The following NLRP3 variants were observed in gnomAD, a reference collection of about 807,000 sequenced individuals.
NLRP3 encodes the protein NACHT, LRR and PYD domains-containing protein 3.
A neutral mutation model predicts 91.3 loss-of-function variants in NLRP3; 48 were observed. The observed-to-expected ratio is 0.53, with a 90% CI of 0.42 to 0.67. The LOEUF (loss-of-function observed/expected upper bound fraction) is 0.67. Among genes scored for constraint, NLRP3 ranks in the 30% least tolerant of loss-of-function variants. NLRP3 has a pLI of 0.00. For synonymous variants in NLRP3, 561 were observed against 507.9 expected (o/e 1.10, Z -1.41); for missense variants, 982 against 1,276.9 (o/e 0.77, Z 3.52).
chr1:247,430,549 G>A (rs749198310), intron 5 of NLRP3, among the ~76,000 whole-genome samples: 1 of 152,054 alleles, frequency 6.6e-6, no homozygotes, highest in Admixed American at 6.6e-5. Context: ...TTTTTGGGGG[G>A]GCACAGTTCA....
intron 7 of NLRP3, 78 bp from the exon 8 acceptor site, chr1:247,443,894 G>A (rs946128760): frequency 2.6e-5 from 37 of 1,417,376 alleles, no homozygotes; most frequent in African/African-American, 4.2e-5. Flanking sequence ...GAGAGAGGAC[G>A]AGGCACTGAG....
chr1:247,442,332 C>A (rs934437521), intron 7 of NLRP3, among the ~76,000 whole-genome samples: 3 of 152,084 alleles, frequency 2.0e-5, no homozygotes, highest in African/African-American at 7.2e-5. Flanking sequence ...CATGCCATTG[C>A]CAAGGACTCT....
At chr1:247,426,655 G>A (rs1406699330) in intron 4 of NLRP3, among the ~76,000 whole-genome samples, 1 of 152,212 alleles carries the variant, frequency 6.6e-6, no homozygotes, top group Admixed American at 6.5e-5. Context: ...CAGTGGTGGT[G>A]AAGACCCAGG....
At chr1:247,448,025 T>C (rs4378247) in intron 9 of NLRP3, among the ~76,000 whole-genome samples, 29,377 of 151,004 alleles carry the variant, frequency 0.19, 3,460 homozygotes, top group African/African-American at 0.33. Flanking sequence ...TTTTTTTTTT[T>C]CCCCACATTT....
chr1:247,445,841 G>A (rs1664553515), intron 9 of NLRP3, among the ~76,000 whole-genome samples: 1 of 151,270 alleles, frequency 6.6e-6, no homozygotes, highest in African/African-American at 2.4e-5. Context: ...TAGTCGCTGG[G>A]CTAATTTTTC....
intron 5 of NLRP3, among the ~76,000 whole-genome samples, chr1:247,431,203 TAATAATAAA>T (rs1361811295): frequency 1.3e-5 from 2 of 151,716 alleles, no homozygotes; most frequent in African/African-American, 4.8e-5. Context: ...ATAATAATAA[TAATAATAAA>T]AAATGTGCTT....
Position 247,443,988 on chromosome 1 carries a change from C to T in NLRP3, c.2680C>T (p.Leu894Phe), listed in dbSNP as rs1157282902. The T allele has an allele frequency of 1.2e-6, 2 of 1,614,006 alleles. No homozygotes were observed. The highest frequency in any genetic ancestry group is 2.7e-5 in the African/African-American group (2 of 74,912). ...LQKLGLVNSG[L>F]TSVCCSALSS... ...CTTCTACAGGTTGGTGAATTCTGGC[C>T]TTACGTCAGTCTGTTGTTCAGCTTT... Residue 894 changes from leucine to phenylalanine, a missense_variant, in exon 8 of 10, where the codon CTT (leucine) becomes TTT (phenylalanine). Leu to Phe is a conservative substitution (Grantham distance 22, BLOSUM62 0). Transcript: ENST00000336119.
chr1:247,438,283 T>TA lies in NLRP3; in HGVS notation c.2663+2144dup, dbSNP rs1315287427. ...TCGCTCTTATTTTTAGGTCACTACTTAGTCTTTCCTGCTAATGTTATAGCT... is the reference window on the plus strand; with the variant it reads ...TCGCTCTTATTTTTAGGTCACTACTTAAGTCTTTCCTGCTAATGTTATAGCT... On this transcript the variant is annotated intron_variant, in intron 7 of 9. Coordinates refer to ENST00000336119, the MANE Select transcript of NLRP3 (RefSeq NM_001243133.2). Among the ~76,000 whole-genome samples the TA allele has an allele frequency of 2.0e-5, 3 of 152,282 alleles. No homozygotes were observed. In the East Asian group the frequency reaches 5.8e-4, roughly 29 times the overall value.
Position 247,425,102 on chromosome 1 carries a change from T to A in NLRP3, c.1653T>A (p.Leu551=), listed in dbSNP as rs201872895. ...ACGTTCCAGGGAGTCGTTTGAAGCT[T>A]CCCAGCCGAGACGTGACAGTCCTTC... ...RTNVPGSRLK[L]PSRDVTVLLE... The change falls in exon 4 of 10, where the codon CTT becomes CTA. Residue 551 remains leucine, a synonymous_variant. Coordinates refer to ENST00000336119, the MANE Select transcript of NLRP3 (RefSeq NM_001243133.2). The surrounding 1 kb of genome is among the most constrained non-coding windows in gnomAD (Gnocchi z 4.1). 2 of 1,613,648 alleles carry A rather than the reference T, an allele frequency of 1.2e-6. No individual in the cohort carries two copies. Among genetic ancestry groups the A allele is most frequent in the Admixed American group, 3.3e-5 (2 of 59,952 alleles).
intron 7 of NLRP3, among the ~76,000 whole-genome samples, chr1:247,443,478 A>T (rs1664370360): frequency 6.6e-6 from 1 of 151,954 alleles, no homozygotes; most frequent in African/African-American, 2.4e-5. Flanking sequence ...TTAGAAGGTC[A>T]CAATGGACGT....
chr1:247,427,540 G>A, intron 4 of NLRP3, among the ~76,000 whole-genome samples: 1 of 152,112 alleles, frequency 6.6e-6, no homozygotes, highest in African/African-American at 2.4e-5. Context: ...GACAGATTCT[G>A]ACTGGAGCCC....
chr1:247,426,724 T>G (rs536362194), intron 4 of NLRP3, among the ~76,000 whole-genome samples: 22 of 152,108 alleles, frequency 1.4e-4, no homozygotes, highest in Non-Finnish European at 2.8e-4. Context: ...AGTGCAGATG[T>G]CGGGGAGGGG....
Position 247,424,048 on chromosome 1 carries a change from C to G in NLRP3, c.599C>G (p.Pro200Arg). The G allele has an allele frequency of 1.9e-6, 3 of 1,613,900 alleles. No individual in the cohort carries two copies. The highest frequency in any genetic ancestry group is 2.5e-6 in the Non-Finnish European group (3 of 1,179,970). Residue 200 changes from proline to arginine, a missense_variant, in exon 4 of 10, where the codon CCC (proline) becomes CGC (arginine). By Grantham distance (103) the Pro-to-Arg change is moderately radical. This residue lies in a region of NLRP3 where 548 missense variants were observed against 713.7 expected (regional missense o/e 0.77). Transcript: ENST00000336119. This position sits in a 1 kb window ranked among gnomAD's most constrained non-coding sequence, Gnocchi z 8.1. ...KTKTCESPVS[P>R]IKMELLFDPD... ...AAGACGTGTGAGAGCCCCGTGAGTCCCATTAAGATGGAGTTGCTGTTTGAC... is the reference window on the plus strand; with the variant it reads ...AAGACGTGTGAGAGCCCCGTGAGTCGCATTAAGATGGAGTTGCTGTTTGAC...
At chr1:247,416,458 T>C (rs1411494334) in intron 1 of NLRP3, among the ~76,000 whole-genome samples, 1 of 151,844 alleles carries the variant, frequency 6.6e-6, no homozygotes, top group Non-Finnish European at 1.5e-5. Context: ...CTTCAGCAGA[T>C]TTGCCCAGTA....
intron 7 of NLRP3, 89 bp from the exon 8 acceptor site, chr1:247,443,883 T>A: frequency 7.6e-7 from 1 of 1,307,218 alleles, no homozygotes; most frequent in East Asian, 2.4e-5. Flanking sequence ...CTGCAGCTGC[T>A]GAGAGAGGAC....
chr1:247,431,908 T>C (rs541981407), intron 5 of NLRP3, among the ~76,000 whole-genome samples: 1 of 151,460 alleles, frequency 6.6e-6, no homozygotes, highest in East Asian at 1.9e-4. Context: ...TAACTACCCC[T>C]TTTTTTTTGA....
intron 2 of NLRP3, among the ~76,000 whole-genome samples, chr1:247,422,914 A>T (rs1043355050): frequency 6.6e-6 from 1 of 152,204 alleles, no homozygotes; most frequent in Non-Finnish European, 1.5e-5. Flanking sequence ...GGCAAAAGCA[A>T]ACGAGGGTAA....
intron 9 of NLRP3, among the ~76,000 whole-genome samples, chr1:247,447,367 C>G (rs2103254077): frequency 6.6e-6 from 1 of 152,272 alleles, no homozygotes; most frequent in Non-Finnish European, 1.5e-5. Context: ...AGGGCCCCAC[C>G]CTCACAACTT....
rs189276096 is a variant in NLRP3 at position 247,425,928 on chromosome 1, A to G, written c.2150+329A>G. ...AAGCTACTTGGAGCACTAGTGCCTA[A>G]GAGTCAGTCAATGTCTGTGGGGCAG... On this transcript the variant is annotated intron_variant, in intron 4 of 9. Transcript: ENST00000336119. This position sits in a 1 kb window ranked among gnomAD's most constrained non-coding sequence, Gnocchi z 4.1. 2.7e-6 allele frequency: 1 copy of G among 372,692 alleles called. No homozygotes were observed. Among genetic ancestry groups the G allele is most frequent in the East Asian group, 6.5e-5 (1 of 15,420 alleles). 23.1% of individuals were successfully genotyped at this position (372,692 alleles called of 1,614,324 possible). A position where few individuals can be genotyped will look rare whatever the true frequency, so the allele number is the denominator to read the frequency against.
Sources: allele counts gnomAD v4.1 joint callset (sites outside exome capture counted in the v4.1 genomes callset), GRCh38; gene constraint gnomAD v4.1.1; regional missense constraint gnomAD v4.1.1; non-coding constraint Gnocchi (gnomAD v3.1); transcripts MANE v1.5; gene names NCBI Gene and HGNC (gene_info 2026-07-23, HGNC 2026-07-21).